The following NSUN6 variants were observed in gnomAD, a reference collection of about 807,000 sequenced individuals.
NSUN6 encodes the protein NOP2/Sun RNA methyltransferase 6.
NSUN6 carries 64 observed loss-of-function variants against 58.0 expected under a neutral mutation model. The observed-to-expected ratio is 1.10, with a 90% CI of 0.90 to 1.36. The LOEUF (loss-of-function observed/expected upper bound fraction) is 1.36. NSUN6 is among the 40% of genes most tolerant of loss of function. The pLI is 0.00. For missense variants in NSUN6, 701 were observed against 550.1 expected, an observed-to-expected ratio of 1.27 and a Z score of -2.74; for synonymous variants, 231 against 193.9, an observed-to-expected ratio of 1.19 and a Z score of -1.59.
chr10:18,639,061 CTTGGG>C (rs1444405789), intron 3 of NSUN6, among the ~76,000 whole-genome samples: 3 of 151,320 alleles, frequency 2.0e-5, no homozygotes, highest in Non-Finnish European at 4.4e-5. Context: ...TTGAGACCAG[CTTGGG>C]CAACACGGCG....
Position 18,616,312 on chromosome 10 carries a change from A to C in NSUN6, c.312-19T>G. On this transcript the variant is annotated intron_variant, in intron 3 of 10. Transcript: ENST00000377304. ...ATTCTTTCTAGAAATGTAAGACACAAGAAGTTTAATAGTAACATACCTCCA... is the reference window on the plus strand; with the variant it reads ...ATTCTTTCTAGAAATGTAAGACACACGAAGTTTAATAGTAACATACCTCCA... 1 of 1,485,530 alleles carries C rather than the reference A, an allele frequency of 6.7e-7. No homozygotes were observed. The highest frequency in any genetic ancestry group is 9.4e-7 in the Non-Finnish European group (1 of 1,063,714). The allele number at this position is 1,485,530 out of a possible 1,614,324, so 92.0% of individuals were successfully genotyped here.
At chr10:18,588,574 A>G (rs898923323) in intron 7 of NSUN6, among the ~76,000 whole-genome samples, 2 of 152,180 alleles carry the variant, frequency 1.3e-5, no homozygotes, top group Admixed American at 6.5e-5. Flanking sequence ...AAGCTTCCAG[A>G]GGAAGGAACA....
intron 3 of NSUN6, among the ~76,000 whole-genome samples, chr10:18,626,166 G>GA (rs1441191773): frequency 1.3e-5 from 2 of 151,738 alleles, no homozygotes; most frequent in Admixed American, 6.6e-5. Flanking sequence ...CATAAGGACC[G>GA]AAAGCAAACA....
At chr10:18,575,725 C>T (rs1175549447) in intron 8 of NSUN6, among the ~76,000 whole-genome samples, 1 of 152,100 alleles carries the variant, frequency 6.6e-6, no homozygotes, top group Non-Finnish European at 1.5e-5. Flanking sequence ...TTGAAATGCA[C>T]CACGGAAAGA....
intron 3 of NSUN6, among the ~76,000 whole-genome samples, chr10:18,630,902 A>G (rs1189541866): frequency 6.6e-6 from 1 of 152,054 alleles, no homozygotes; most frequent in East Asian, 1.9e-4. Context: ...AACTCATTTT[A>G]TGAGGCCAGC....
chr10:18,624,471 T>C (rs2058716850), intron 3 of NSUN6, among the ~76,000 whole-genome samples: 1 of 151,114 alleles, frequency 6.6e-6, no homozygotes, highest in African/African-American at 2.4e-5. Flanking sequence ...GTCAGGAGAT[T>C]GAGACCATCC....
chr10:18,613,343 C>A (rs1280700298), intron 5 of NSUN6, among the ~76,000 whole-genome samples: 1 of 152,248 alleles, frequency 6.6e-6, no homozygotes, highest in East Asian at 1.9e-4. Flanking sequence ...GTGATCCGCC[C>A]ACCTTGGCCT....
At chr10:18,559,587 GGAATGGAATGGA>G (rs1287868144) in intron 8 of NSUN6, among the ~76,000 whole-genome samples, 36 of 150,752 alleles carry the variant, frequency 2.4e-4, no homozygotes, top group African/African-American at 8.5e-4. Flanking sequence ...AATAGAGAAT[GGAATGGAATGGA>G]GAATGGAATG....
At chr10:18,608,901 T>C (rs868618812) in intron 6 of NSUN6, among the ~76,000 whole-genome samples, 1 of 152,224 alleles carries the variant, frequency 6.6e-6, no homozygotes. Flanking sequence ...TTAGGTTATA[T>C]ATCCTAATGT....
intron 3 of NSUN6, among the ~76,000 whole-genome samples, chr10:18,621,564 AAGGC>A (rs1415694002): frequency 6.6e-6 from 1 of 152,198 alleles, no homozygotes; most frequent in Non-Finnish European, 1.5e-5. Flanking sequence ...AAGTTGGTGC[AAGGC>A]CATAAAATAT....
At chr10:18,561,448 AGAATG>A (rs1418040226) in intron 8 of NSUN6, among the ~76,000 whole-genome samples, 1 of 99,902 alleles carries the variant, frequency 1.0e-5, no homozygotes, top group African/African-American at 3.6e-5. Flanking sequence ...AATGGAATGG[AGAATG>A]GAATGGAATG....
At position 18,643,667 on chromosome 10, in the gene NSUN6, A is replaced by G. The variant is rs1029917435; in HGVS notation, c.232-1112T>C. Among the ~76,000 whole-genome samples the G allele has an allele frequency of 2.0e-5, 3 of 151,814 alleles. No individual in the cohort carries two copies. The East Asian group carries it at 5.8e-4, about 29-fold the overall frequency. ...TGAAAGATAAATTCCACCTCAATCA[A>G]TCAAATCCTTCTTCCTTTCTCTTTC... On this transcript the variant is annotated intron_variant, in intron 2 of 10. Coordinates refer to ENST00000377304, the MANE Select transcript of NSUN6 (RefSeq NM_182543.5).
chr10:18,638,948 A>T (rs769928387), intron 3 of NSUN6, among the ~76,000 whole-genome samples: 190 of 28,238 alleles, frequency 6.7e-3, no homozygotes, highest in Non-Finnish European at 9.9e-3. Flanking sequence ...TGACAATGTT[A>T]AAAAAAAAAA....
chr10:18,559,583 G>A (rs945342054), intron 8 of NSUN6, among the ~76,000 whole-genome samples: 1 of 150,782 alleles, frequency 6.6e-6, no homozygotes, highest in African/African-American at 2.4e-5. Flanking sequence ...ATGCAATAGA[G>A]AATGGAATGG....
chr10:18,616,867 C>T (rs1393254016), intron 3 of NSUN6, among the ~76,000 whole-genome samples: 1 of 152,126 alleles, frequency 6.6e-6, no homozygotes, highest in Admixed American at 6.6e-5. Flanking sequence ...AAATAAAAAC[C>T]CTTAACAATG....
At chr10:18,557,432 G>A (rs1245987754) in intron 8 of NSUN6, among the ~76,000 whole-genome samples, 11 of 149,534 alleles carry the variant, frequency 7.4e-5, no homozygotes, top group African/African-American at 2.7e-4. Flanking sequence ...ATGGAATGGA[G>A]AATGGAATGA....
At chr10:18,583,770 T>C (rs7081271) in intron 8 of NSUN6, among the ~76,000 whole-genome samples, 137,255 of 152,240 alleles carry the variant, frequency 0.9, 62,104 homozygotes, top group East Asian at 0.98. Context: ...GTTAAGCCTA[T>C]AGAAAAAAAT....
chr10:18,649,820 A>G (rs1006475848), intron 1 of NSUN6, among the ~76,000 whole-genome samples: 2 of 152,134 alleles, frequency 1.3e-5, no homozygotes, highest in Non-Finnish European at 2.9e-5. Flanking sequence ...AAATTGTGGT[A>G]TGCCCCTACT....
At chr10:18,651,767 TCACCTGCCTCA>T, upstream of NSUN6, 1 of 985,486 alleles carries the variant, frequency 1.0e-6, no homozygotes, top group Non-Finnish European at 1.2e-6. Flanking sequence ...TGAGGCTCTT[TCACCTGCCTCA>T]GGTTAAGTAG....
Sources: gnomAD v4.1 joint callset for allele counts (sites outside exome capture counted in the v4.1 genomes callset) on GRCh38, gnomAD v4.1.1 for gene constraint, MANE v1.5 for transcripts, NCBI Gene and HGNC (gene_info 2026-07-23, HGNC 2026-07-21) for gene names.